DNAJC24: variants seen among roughly 807,000 people sequenced by gnomAD.
The protein encoded by DNAJC24 is DnaJ heat shock protein family (Hsp40) member C24, also known as dnaJ homolog subfamily C member 24.
A neutral mutation model predicts 18.0 loss-of-function variants in DNAJC24; 17 were observed. That is an observed-to-expected ratio of 0.94 (90% CI 0.65 to 1.42). The LOEUF (loss-of-function observed/expected upper bound fraction) is 1.42, where lower values mean the gene tolerates loss of function less well. DNAJC24 is among the 40% of genes most tolerant of loss of function. DNAJC24 has a pLI of 0.00. For missense variants in DNAJC24, 158 were observed against 175.6 expected, an observed-to-expected ratio of 0.90 and a Z score of 0.57; for synonymous variants, 55 against 57.7, an observed-to-expected ratio of 0.95 and a Z score of 0.21.
chr11:31,402,219 G>A (rs1271112560), intron 2 of DNAJC24, among the ~76,000 whole-genome samples: 1 of 152,092 alleles, frequency 6.6e-6, no homozygotes, highest in Non-Finnish European at 1.5e-5. Flanking sequence ...TAACACAGTG[G>A]TATTTGTGTA....
chr11:31,374,162 G>T (rs951138963), intron 2 of DNAJC24: 1 of 377,208 alleles, frequency 2.7e-6, no homozygotes, highest in Non-Finnish European at 5.5e-6. Context: ...AGGTATCCTT[G>T]CCTTGTTCCT....
intron 3 of DNAJC24, among the ~76,000 whole-genome samples, chr11:31,422,414 C>T (rs1235360428): frequency 6.6e-6 from 1 of 152,014 alleles, no homozygotes; most frequent in Non-Finnish European, 1.5e-5. Context: ...TCCGAATGGC[C>T]GTATTTTGTT....
intron 3 of DNAJC24, among the ~76,000 whole-genome samples, chr11:31,425,854 A>C (rs1488071480): frequency 1.3e-5 from 2 of 152,188 alleles, no homozygotes; most frequent in Non-Finnish European, 2.9e-5. Flanking sequence ...TAATGTTAGA[A>C]AGTTAGTAAA....
At position 31,430,259 on chromosome 11, in the gene DNAJC24, T is replaced by C. The variant is rs775187629; in HGVS notation, c.320-12T>C. ...ACAAGTCTTTGAAAGATTATTTTGTTTTCTTTTGCAGGTGATCACTCTTTT... is the reference window on the plus strand; with the variant it reads ...ACAAGTCTTTGAAAGATTATTTTGTCTTCTTTTGCAGGTGATCACTCTTTT... On this transcript the variant is annotated splice_polypyrimidine_tract_variant and intron_variant, in intron 4 of 4. Coordinates refer to ENST00000465995, the MANE Select transcript of DNAJC24 (RefSeq NM_181706.5). 1.3e-6 allele frequency: 2 copies of C among 1,599,800 alleles called. No homozygotes were observed. The highest frequency in any genetic ancestry group is 1.7e-5 in the Admixed American group (1 of 59,194).
intron 2 of DNAJC24, among the ~76,000 whole-genome samples, chr11:31,371,549 G>A (rs1175463315): frequency 1.3e-5 from 2 of 151,824 alleles, no homozygotes; most frequent in East Asian, 3.9e-4. Flanking sequence ...ACTTATCACA[G>A]TTAAACTCCC....
At chr11:31,418,825 C>G (rs1402442083) in intron 3 of DNAJC24, among the ~76,000 whole-genome samples, 1 of 152,006 alleles carries the variant, frequency 6.6e-6, no homozygotes, top group Non-Finnish European at 1.5e-5. Flanking sequence ...TTGTATTACA[C>G]AATTTGCTCC....
rs555339888 is a variant in DNAJC24 at position 31,413,520 on chromosome 11, G to T, written c.112-1291G>T. Among the ~76,000 whole-genome samples the T allele has an allele frequency of 7.3e-3, 1,114 of 151,970 alleles. 4 individuals are homozygous for T. Among genetic ancestry groups the T allele is most frequent in the Middle Eastern group, 0.017 (5 of 294 alleles). On this transcript the variant is annotated intron_variant, in intron 2 of 4. Coordinates refer to ENST00000465995, the MANE Select transcript of DNAJC24 (RefSeq NM_181706.5). Reference sequence around the variant, plus strand: ...CAATATTTTTGTACTTTTTAGTAGAGTCAGGGTTTCACTGTGTTAGCCAGG... The same window carrying T: ...CAATATTTTTGTACTTTTTAGTAGATTCAGGGTTTCACTGTGTTAGCCAGG...
chr11:31,401,812 C>T (rs1350554789), intron 2 of DNAJC24, among the ~76,000 whole-genome samples: 1 of 152,168 alleles, frequency 6.6e-6, no homozygotes, highest in East Asian at 1.9e-4. Context: ...TGGCTGGCCA[C>T]ATAAGCACAC....
At chr11:31,393,264 C>T (rs746904066) in intron 2 of DNAJC24, among the ~76,000 whole-genome samples, 4 of 152,092 alleles carry the variant, frequency 2.6e-5, no homozygotes, top group African/African-American at 9.7e-5. Context: ...TGAGCCCCTA[C>T]AAGGAGGAGT....
intron 2 of DNAJC24, among the ~76,000 whole-genome samples, chr11:31,387,307 G>A (rs981827529): frequency 3.9e-5 from 6 of 152,328 alleles, no homozygotes; most frequent in African/African-American, 1.4e-4. Context: ...AACCAGTGCG[G>A]TGGTGGCTTC....
At chr11:31,425,467 C>G (rs536785843) in intron 3 of DNAJC24, among the ~76,000 whole-genome samples, 5 of 152,228 alleles carry the variant, frequency 3.3e-5, no homozygotes, top group African/African-American at 1.2e-4. Context: ...TCTTACAGTT[C>G]TGGAGGCTAA....
At chr11:31,393,335 C>T (rs776227711) in intron 2 of DNAJC24, among the ~76,000 whole-genome samples, 11 of 152,044 alleles carry the variant, frequency 7.2e-5, no homozygotes, top group South Asian at 2.1e-4. Flanking sequence ...TAGCTAAGGA[C>T]GTGGGGTATG....
chr11:31,370,471 T>TA (rs1251148479), intron 1 of DNAJC24, among the ~76,000 whole-genome samples: 1 of 152,204 alleles, frequency 6.6e-6, no homozygotes, highest in Non-Finnish European at 1.5e-5. Context: ...TTCTTTTTTT[T>TA]AATGCTGTTC....
intron 2 of DNAJC24, among the ~76,000 whole-genome samples, chr11:31,386,295 C>T (rs1471420327): frequency 2.0e-5 from 3 of 151,756 alleles, no homozygotes; most frequent in Non-Finnish European, 4.4e-5. Flanking sequence ...CATCAACCCT[C>T]CCCCAACCCT....
chr11:31,428,656 A>G (rs1952889372), intron 4 of DNAJC24, among the ~76,000 whole-genome samples: 1 of 152,186 alleles, frequency 6.6e-6, no homozygotes, highest in Non-Finnish European at 1.5e-5. Flanking sequence ...GCATTTTATT[A>G]TGCTTAAAAG....
At chr11:31,405,066 C>CTTTTTTT (rs398015694) in intron 2 of DNAJC24, among the ~76,000 whole-genome samples, 2 of 132,008 alleles carry the variant, frequency 1.5e-5, no homozygotes. Context: ...ATTAGGAATT[C>CTTTTTTT]TTTTTTTTGT....
chr11:31,412,670 T>C (rs1952719908), intron 2 of DNAJC24, among the ~76,000 whole-genome samples: 1 of 152,196 alleles, frequency 6.6e-6, no homozygotes, highest in Non-Finnish European at 1.5e-5. Context: ...TTAGTTTCCT[T>C]TTCTCCAGTG....
At chr11:31,385,768 C>G (rs559665816) in intron 2 of DNAJC24, among the ~76,000 whole-genome samples, 32 of 152,054 alleles carry the variant, frequency 2.1e-4, no homozygotes, top group African/African-American at 7.7e-4. Context: ...GCAAGATGGC[C>G]GAATAGAAGC....
chr11:31,431,577 T>TAA lies in DNAJC24; in HGVS notation c.*1177_*1178dup, dbSNP rs1399808799. 1 of 151,290 alleles carries TAA rather than the reference T, an allele frequency of 6.6e-6. No individual in the cohort carries two copies. Among genetic ancestry groups the TAA allele is most frequent in the African/African-American group, 2.4e-5 (1 of 41,244 alleles). The allele number at this position is 151,290 out of a possible 1,614,324, so 9.4% of individuals were successfully genotyped here. On this transcript the variant is annotated 3_prime_UTR_variant, in exon 5 of 5. Transcript: ENST00000465995. ...CTGTAATCCCAGCACTTTGGGAGAC[T>TAA]AAGGCAGGCGGATCACCTTTGGTCA...
Sources: allele counts gnomAD v4.1 joint callset (sites outside exome capture counted in the v4.1 genomes callset), GRCh38; gene constraint gnomAD v4.1.1; transcripts MANE v1.5; gene names NCBI Gene and HGNC (gene_info 2026-07-23, HGNC 2026-07-21).